Variants in NPAS3 observed in about 807,000 individuals in gnomAD.
NPAS3 encodes the protein neuronal PAS domain protein 3, also known as neuronal PAS domain-containing protein 3.
A neutral mutation model predicts 73.1 loss-of-function variants in NPAS3; 14 were observed. That is an observed-to-expected ratio of 0.19 (90% CI 0.13 to 0.30). The LOEUF is 0.30. Ranked by LOEUF, NPAS3 falls within the 10% of genes least tolerant of loss-of-function variation. NPAS3 has a pLI of 1.00. For missense variants in NPAS3, 1,096 were observed against 1,250.0 expected, an observed-to-expected ratio of 0.88 and a Z score of 1.86; for synonymous variants, 620 against 541.5, an observed-to-expected ratio of 1.14 and a Z score of -2.01.
chr14:33,366,457 G>A (rs1265782460), intron 3 of NPAS3, among the ~76,000 whole-genome samples: 4 of 152,138 alleles, frequency 2.6e-5, no homozygotes, highest in Admixed American at 1.3e-4. Context: ...CAGGTGAAGC[G>A]TGCCTGGAAG....
chr14:33,767,529 G>A (rs1387227454), intron 7 of NPAS3, among the ~76,000 whole-genome samples: 1 of 150,720 alleles, frequency 6.6e-6, no homozygotes, highest in Non-Finnish European at 1.5e-5. Context: ...TAATTTTTAA[G>A]GTAAATTTGG....
At chr14:33,301,328 T>A (rs930862328) in intron 3 of NPAS3, among the ~76,000 whole-genome samples, 21,631 of 77,996 alleles carry the variant, frequency 0.28, 4,519 homozygotes, top group African/African-American at 0.49. Flanking sequence ...ATATATTTTT[T>A]TTTTTTAAAT....
chr14:33,346,101 A>G (rs1362387791), intron 3 of NPAS3, among the ~76,000 whole-genome samples: 1 of 151,782 alleles, frequency 6.6e-6, no homozygotes, highest in Non-Finnish European at 1.5e-5. Flanking sequence ...GCATGGTGGC[A>G]CGTGCCTGTA....
At chr14:33,244,102 A>G (rs938587413) in intron 3 of NPAS3, among the ~76,000 whole-genome samples, 3 of 151,958 alleles carry the variant, frequency 2.0e-5, no homozygotes, top group Admixed American at 2.0e-4. Flanking sequence ...CTATTTGGAA[A>G]ATCTAACTTT....
At chr14:32,998,578 G>C (rs367827204) in intron 1 of NPAS3, among the ~76,000 whole-genome samples, 1 of 152,190 alleles carries the variant, frequency 6.6e-6, no homozygotes, top group East Asian at 1.9e-4. Context: ...GCTCCCCCTT[G>C]TGTACAGAAT....
At chr14:33,275,056 A>G (rs1222867227) in intron 3 of NPAS3, among the ~76,000 whole-genome samples, 1 of 152,222 alleles carries the variant, frequency 6.6e-6, no homozygotes, top group Admixed American at 6.5e-5. Flanking sequence ...ACAAATGTGC[A>G]TGTGAGAAAA....
chr14:33,052,000 C>T (rs1396857605), intron 1 of NPAS3, among the ~76,000 whole-genome samples: 1 of 152,134 alleles, frequency 6.6e-6, no homozygotes, highest in Non-Finnish European at 1.5e-5. Flanking sequence ...ACCTCATGAT[C>T]CACCCACCTT....
chr14:33,741,295 T>C (rs1322967739), intron 7 of NPAS3, among the ~76,000 whole-genome samples: 1 of 152,180 alleles, frequency 6.6e-6, no homozygotes, highest in African/African-American at 2.4e-5. Context: ...GTAACTGTCT[T>C]GTCAAATCAA....
At chr14:33,269,622 G>A (rs1240582648) in intron 3 of NPAS3, among the ~76,000 whole-genome samples, 2 of 152,138 alleles carry the variant, frequency 1.3e-5, no homozygotes, top group African/African-American at 4.8e-5. Context: ...ATGAGAAAAT[G>A]AGAATACAAG....
intron 4 of NPAS3, among the ~76,000 whole-genome samples, chr14:33,450,766 G>A (rs761867487): frequency 2.0e-5 from 3 of 152,048 alleles, no homozygotes; most frequent in Admixed American, 1.3e-4. Context: ...GGTTTTACTC[G>A]ACTCTCTTCA....
intron 2 of NPAS3, among the ~76,000 whole-genome samples, chr14:33,211,686 G>A (rs1208601660): frequency 1.3e-5 from 2 of 152,150 alleles, no homozygotes; most frequent in Non-Finnish European, 2.9e-5. Context: ...ACACAATAAT[G>A]CATATAATAT....
At chr14:32,981,636 T>C (rs2037899741) in intron 1 of NPAS3, among the ~76,000 whole-genome samples, 1 of 152,206 alleles carries the variant, frequency 6.6e-6, no homozygotes, top group African/African-American at 2.4e-5. Context: ...TATTTAAAAA[T>C]AAATCTCTGT....
At chr14:33,380,327 G>A (rs2046490382) in intron 4 of NPAS3, among the ~76,000 whole-genome samples, 1 of 151,868 alleles carries the variant, frequency 6.6e-6, no homozygotes, top group Non-Finnish European at 1.5e-5. Context: ...CAACAAGAAA[G>A]GCACTGTAGG....
intron 3 of NPAS3, among the ~76,000 whole-genome samples, chr14:33,312,230 AT>A (rs74400076): frequency 0.078 from 11,788 of 151,988 alleles, 917 homozygotes; most frequent in East Asian, 0.34. Flanking sequence ...TACTACTGGT[AT>A]TTTTTTCTAT....
At position 33,377,656 on chromosome 14, in the gene NPAS3, T is replaced by C. The variant is rs533527619; in HGVS notation, c.468+10388T>C. Reference sequence around the variant, plus strand: ...CTTTGATTTGCAGAATAAACATATGTCATCATTCACTGAGAAAGAGTGAGA... The same window carrying C: ...CTTTGATTTGCAGAATAAACATATGCCATCATTCACTGAGAAAGAGTGAGA... On this transcript the variant is annotated intron_variant, in intron 4 of 11. Transcript: ENST00000356141. Among the ~76,000 whole-genome samples, 32 of 152,322 alleles carry C rather than the reference T, an allele frequency of 2.1e-4. No individual in the cohort carries two copies. The South Asian group carries it at 6.6e-3, about 32-fold the overall frequency.
chr14:33,484,898 A>G (rs1233141237), intron 4 of NPAS3, among the ~76,000 whole-genome samples: 1 of 152,102 alleles, frequency 6.6e-6, no homozygotes, highest in Non-Finnish European at 1.5e-5. Context: ...CCCTTCACAG[A>G]TTTCATTTTC....
intron 7 of NPAS3, among the ~76,000 whole-genome samples, chr14:33,740,510 C>T (rs1436015710): frequency 6.6e-6 from 1 of 152,198 alleles, no homozygotes; most frequent in Non-Finnish European, 1.5e-5. Context: ...TTGACAGTAC[C>T]AAGCCCTATG....
chr14:33,784,745 A>ATTTTTTTTT (rs1226491375), intron 9 of NPAS3, among the ~76,000 whole-genome samples: 40 of 73,864 alleles, frequency 5.4e-4, no homozygotes, highest in African/African-American at 9.4e-4. Context: ...TTATTTATTT[A>ATTTTTTTTT]TTTTTTTTTT....
chr14:33,043,036 A>G (rs915361717), intron 1 of NPAS3, among the ~76,000 whole-genome samples: 44 of 152,274 alleles, frequency 2.9e-4, no homozygotes, highest in Admixed American at 2.2e-3. Flanking sequence ...TTTTAGTTGA[A>G]TGTAATCTCC....
Sources: allele counts gnomAD v4.1 joint callset (sites outside exome capture counted in the v4.1 genomes callset), GRCh38; gene constraint gnomAD v4.1.1; transcripts MANE v1.5; gene names NCBI Gene and HGNC (gene_info 2026-07-23, HGNC 2026-07-21).